The following LINGO2 variants were observed in gnomAD, a reference collection of about 807,000 sequenced individuals.
LINGO2 encodes the protein leucine-rich repeat and immunoglobulin-like domain-containing nogo receptor-interacting protein 2.
Under a neutral mutation model 30.6 loss-of-function variants are expected in LINGO2, and 14 were observed. That is an observed-to-expected ratio of 0.46 (90% CI 0.30 to 0.72). The LOEUF is 0.72. Among genes scored for constraint, LINGO2 ranks in the 30% least tolerant of loss-of-function variants. The pLI is 0.07. For synonymous variants in LINGO2, 317 were observed against 288.5 expected (o/e 1.10, Z -1.00); for missense variants, 729 against 751.7 (o/e 0.97, Z 0.35).
the LINGO2 span, among the ~76,000 whole-genome samples, chr9:28,884,450 T>A: frequency 0.041 from 6,253 of 152,196 alleles, 196 homozygotes; most frequent in Admixed American, 0.082. Flanking sequence ...GGAGACTTAC[T>A]ATCGAAAAGA....
rs115470482 is a variant in LINGO2 at position 28,197,383 on chromosome 9, A to T, written c.-87+97825T>A. Reference sequence around the variant, plus strand: ...ATCTTAAACAGTGTAGTAAAGATTTAAAAAAAACAGATTAAAACAACCAGA... The same window carrying T: ...ATCTTAAACAGTGTAGTAAAGATTTTAAAAAAACAGATTAAAACAACCAGA... On this transcript the variant is annotated intron_variant, in intron 4 of 5. Coordinates refer to ENST00000379992, the Ensembl canonical transcript of LINGO2. Among the ~76,000 whole-genome samples the T allele has an allele frequency of 9.1e-3, 1,383 of 151,776 alleles. 32 individuals carry two copies. The highest frequency in any genetic ancestry group is 0.032 in the African/African-American group (1,329 of 41,446).
At chr9:28,757,162 T>C in the LINGO2 span, among the ~76,000 whole-genome samples, 3 of 152,036 alleles carry the variant, frequency 2.0e-5, no homozygotes, top group Non-Finnish European at 4.4e-5. Flanking sequence ...TCTCCAGCTA[T>C]CAAAGATAAG....
intron 4 of LINGO2, among the ~76,000 whole-genome samples, chr9:28,036,931 A>G (rs1319796444): frequency 6.6e-6 from 1 of 152,230 alleles, no homozygotes; most frequent in African/African-American, 2.4e-5. Context: ...GAAGGTTCTC[A>G]GACCATACAA....
intron 4 of LINGO2, among the ~76,000 whole-genome samples, chr9:28,277,855 A>AC (rs1179564338): frequency 6.6e-6 from 1 of 151,606 alleles, no homozygotes; most frequent in African/African-American, 2.4e-5. Flanking sequence ...AAAAACAAAA[A>AC]AAAAAACAAC....
intron 4 of LINGO2, among the ~76,000 whole-genome samples, chr9:28,053,701 T>G (rs1299429221): frequency 6.6e-6 from 1 of 152,062 alleles, no homozygotes; most frequent in Non-Finnish European, 1.5e-5. Flanking sequence ...CATCATGAAA[T>G]CTTGATATAA....
chr9:29,033,678 T>C, the LINGO2 span, among the ~76,000 whole-genome samples: 3 of 151,604 alleles, frequency 2.0e-5, no homozygotes, highest in Non-Finnish European at 2.9e-5. Flanking sequence ...CTTTCCTGAG[T>C]GGAGTTCTGA....
At chr9:27,951,354 A>G (rs1819300659) in intron 5 of LINGO2, among the ~76,000 whole-genome samples, 1 of 152,248 alleles carries the variant, frequency 6.6e-6, no homozygotes, top group Non-Finnish European at 1.5e-5. Context: ...TGAGGCAGAC[A>G]AAAGATCCTC....
At chr9:28,176,720 C>T (rs1452577341) in intron 4 of LINGO2, among the ~76,000 whole-genome samples, 1 of 152,084 alleles carries the variant, frequency 6.6e-6, no homozygotes, top group African/African-American at 2.4e-5. Context: ...AGGATCTGCT[C>T]AGCACACCAA....
the LINGO2 span, among the ~76,000 whole-genome samples, chr9:28,751,652 A>G: frequency 3.9e-5 from 6 of 152,038 alleles, no homozygotes; most frequent in Non-Finnish European, 7.3e-5. Flanking sequence ...ATTATTTTAA[A>G]TTCACTACTA....
At chr9:28,375,134 AT>A (rs1189079940) in intron 2 of LINGO2, among the ~76,000 whole-genome samples, 1 of 98,420 alleles carries the variant, frequency 1.0e-5, no homozygotes, top group Non-Finnish European at 2.1e-5. Flanking sequence ...ACACACACAC[AT>A]ACACCCCACA....
At chr9:28,108,650 C>T (rs1826671008) in intron 4 of LINGO2, among the ~76,000 whole-genome samples, 1 of 151,988 alleles carries the variant, frequency 6.6e-6, no homozygotes, top group South Asian at 2.1e-4. Context: ...GTAAAAAAGG[C>T]AATAGTACAG....
At chr9:28,003,276 C>G (rs1290484800) in intron 5 of LINGO2, among the ~76,000 whole-genome samples, 1 of 151,712 alleles carries the variant, frequency 6.6e-6, no homozygotes, top group Non-Finnish European at 1.5e-5. Flanking sequence ...CACTGATTCA[C>G]AAAAAATTGG....
chr9:28,171,406 G>T (rs1027940933), intron 4 of LINGO2, among the ~76,000 whole-genome samples: 3 of 152,118 alleles, frequency 2.0e-5, no homozygotes, highest in African/African-American at 7.2e-5. Flanking sequence ...TGCTTGATCA[G>T]GGTAGGGCTG....
At chr9:28,242,878 T>G (rs1821850887) in intron 4 of LINGO2, among the ~76,000 whole-genome samples, 1 of 152,106 alleles carries the variant, frequency 6.6e-6, no homozygotes, top group Non-Finnish European at 1.5e-5. Flanking sequence ...AAACTAAGCT[T>G]CATAAGTGAA....
chr9:28,127,635 AAAATGTCCTCTCTATGGTGG>A (rs1348701417), intron 4 of LINGO2, among the ~76,000 whole-genome samples: 2 of 152,334 alleles, frequency 1.3e-5, no homozygotes, highest in South Asian at 2.1e-4. Context: ...AACAAGTGGC[AAAATGTCCTCTCTATGGTGG>A]AAATGTCCTC....
chr9:28,124,111 G>T (rs1827174312), intron 4 of LINGO2, among the ~76,000 whole-genome samples: 1 of 152,138 alleles, frequency 6.6e-6, no homozygotes, highest in Non-Finnish European at 1.5e-5. Context: ...ATTCTCTCAA[G>T]GAGTGGCTTT....
intron 1 of LINGO2, among the ~76,000 whole-genome samples, chr9:28,573,924 G>GA (rs1357318602): frequency 1.3e-5 from 2 of 151,880 alleles, no homozygotes; most frequent in Admixed American, 6.6e-5. Flanking sequence ...GAAAAACTAA[G>GA]AAAAAAGATT....
the LINGO2 span, among the ~76,000 whole-genome samples, chr9:28,854,749 T>C: frequency 6.6e-6 from 1 of 151,968 alleles, no homozygotes; most frequent in Non-Finnish European, 1.5e-5. Context: ...AAATAAATAC[T>C]GCTATATTCA....
intron 3 of LINGO2, among the ~76,000 whole-genome samples, chr9:28,325,564 C>T (rs1825196599): frequency 6.6e-6 from 1 of 152,058 alleles, no homozygotes; most frequent in Admixed American, 6.6e-5. Context: ...CCATACTGTT[C>T]TTGTGGAAGT....
Sources: gnomAD v4.1 joint callset for allele counts (sites outside exome capture counted in the v4.1 genomes callset) on GRCh38, gnomAD v4.1.1 for gene constraint, MANE v1.5 for transcripts, NCBI Gene and HGNC (gene_info 2026-07-23, HGNC 2026-07-21) for gene names.